The following IMMP2L variants were observed in gnomAD, a reference collection of about 807,000 sequenced individuals.
IMMP2L encodes the protein mitochondrial inner membrane protease subunit 2.
IMMP2L carries 18 observed loss-of-function variants against 19.3 expected under a neutral mutation model. That is an observed-to-expected ratio of 0.93 (90% CI 0.64 to 1.38). IMMP2L has a LOEUF of 1.38. IMMP2L is among the 40% of genes most tolerant of loss of function. The pLI is 0.00. For synonymous variants in IMMP2L, 76 were observed against 73.0 expected (o/e 1.04, Z -0.21); for missense variants, 233 against 218.2 (o/e 1.07, Z -0.43).
At chr7:110,967,074 G>T (rs1243946305) in intron 3 of IMMP2L, among the ~76,000 whole-genome samples, 1 of 152,054 alleles carries the variant, frequency 6.6e-6, no homozygotes, top group Non-Finnish European at 1.5e-5. Flanking sequence ...TTATGCTTAT[G>T]ATTTAATTTG....
chr7:111,530,708 A>T (rs1164707445), intron 1 of IMMP2L, among the ~76,000 whole-genome samples: 2 of 152,126 alleles, frequency 1.3e-5, no homozygotes, highest in African/African-American at 2.4e-5. Flanking sequence ...AGAAAAAAAA[A>T]GGAATTAGAA....
chr7:111,250,288 A>C (rs763582251), intron 3 of IMMP2L, among the ~76,000 whole-genome samples: 16 of 152,190 alleles, frequency 1.1e-4, no homozygotes, highest in Non-Finnish European at 2.2e-4. Context: ...TTCCATGCTC[A>C]TGGATAGGAA....
chr7:110,844,680 G>T (rs560983266), intron 5 of IMMP2L, among the ~76,000 whole-genome samples: 1 of 44,058 alleles, frequency 2.3e-5, no homozygotes, highest in East Asian at 3.5e-3. Flanking sequence ...GCACTTAGTG[G>T]CAGGGAAGAC....
intron 2 of IMMP2L, among the ~76,000 whole-genome samples, chr7:111,506,932 T>C (rs534721842): frequency 1.3e-5 from 2 of 151,992 alleles, no homozygotes; most frequent in East Asian, 3.9e-4. Context: ...ACCTCTGCCT[T>C]CTGAGCTCTG....
chr7:111,005,724 T>C (rs1317532394), intron 3 of IMMP2L, among the ~76,000 whole-genome samples: 2 of 152,332 alleles, frequency 1.3e-5, no homozygotes, highest in Admixed American at 1.3e-4. Context: ...ATTCCTTTTA[T>C]GAGGTTTTGA....
At chr7:110,789,715 C>T (rs1164458882) in intron 5 of IMMP2L, among the ~76,000 whole-genome samples, 2 of 151,652 alleles carry the variant, frequency 1.3e-5, no homozygotes, top group Non-Finnish European at 2.9e-5. Flanking sequence ...ACCTCACTGA[C>T]CTTATTTCCT....
chr7:111,503,875 A>G (rs377295064), intron 2 of IMMP2L, among the ~76,000 whole-genome samples: 8 of 151,868 alleles, frequency 5.3e-5, no homozygotes, highest in African/African-American at 1.9e-4. Context: ...TACTGAATGG[A>G]CAAAAACTGG....
At chr7:111,527,862 T>C (rs1378594334) in intron 1 of IMMP2L, among the ~76,000 whole-genome samples, 2 of 151,544 alleles carry the variant, frequency 1.3e-5, no homozygotes, top group East Asian at 1.9e-4. Flanking sequence ...CAATCTGATA[T>C]GTGCTGATCC....
At chr7:111,256,238 TAC>T (rs1398948058) in intron 3 of IMMP2L, among the ~76,000 whole-genome samples, 1 of 152,064 alleles carries the variant, frequency 6.6e-6, no homozygotes, top group Admixed American at 6.6e-5. Flanking sequence ...TTACCAAAGT[TAC>T]ACAGTTACAA....
chr7:110,675,803 C>A (rs1282388186), intron 5 of IMMP2L, among the ~76,000 whole-genome samples: 1 of 152,014 alleles, frequency 6.6e-6, no homozygotes, highest in Non-Finnish European at 1.5e-5. Flanking sequence ...ATCTATTACC[C>A]AAATTAGGAC....
At chr7:111,000,428 T>C (rs1200456154) in intron 3 of IMMP2L, among the ~76,000 whole-genome samples, 4 of 152,212 alleles carry the variant, frequency 2.6e-5, no homozygotes, top group Non-Finnish European at 5.9e-5. Context: ...CAGAAGATAA[T>C]GTGATGTAAT....
rs1792238970 is a variant in IMMP2L at position 111,044,842 on chromosome 7, TA to T, written c.240-81278del. ...ACAATCTTTTTAAAGTTTACATATA[TA>T]GACAGTGGGTAGTTGACAACTCTGG... On this transcript the variant is annotated intron_variant, in intron 3 of 5. Transcript: ENST00000405709. Among the ~76,000 whole-genome samples, 5 of 152,312 alleles carry T rather than the reference TA, an allele frequency of 3.3e-5. No homozygotes were observed. The East Asian group carries it at 7.7e-4, about 24-fold the overall frequency.
intron 3 of IMMP2L, among the ~76,000 whole-genome samples, chr7:111,016,462 ATATT>A (rs937727592): frequency 1.5e-5 from 2 of 133,420 alleles, no homozygotes; most frequent in Non-Finnish European, 3.1e-5. Context: ...ATAAATATAT[ATATT>A]TATGTAGTTT....
Position 111,353,551 on chromosome 7 carries a change from T to A in IMMP2L, c.239+133687A>T, listed in dbSNP as rs184598536. On this transcript the variant is annotated intron_variant, in intron 3 of 5. Transcript: ENST00000405709. ...TACACTATCTTGTGTGTCAAGATTA[T>A]TAAGCCAACTAGAAGTTTCAGGAGC... Among the ~76,000 whole-genome samples, 78 of 152,286 alleles carry A rather than the reference T, an allele frequency of 5.1e-4. 1 individual carries two copies. In the East Asian group the frequency reaches 0.012, roughly 24 times the overall value.
intron 3 of IMMP2L, among the ~76,000 whole-genome samples, chr7:111,464,012 C>T (rs1459713130): frequency 6.6e-6 from 1 of 152,140 alleles, no homozygotes; most frequent in Middle Eastern, 3.2e-3. Context: ...TGCTCCTTTC[C>T]TCCTTCACAC....
At chr7:111,343,235 CCT>C (rs1166635523) in intron 3 of IMMP2L, among the ~76,000 whole-genome samples, 29 of 152,108 alleles carry the variant, frequency 1.9e-4, no homozygotes, top group African/African-American at 5.8e-4. Flanking sequence ...TAAATGGCCC[CCT>C]GTCTACCACA....
intron 5 of IMMP2L, among the ~76,000 whole-genome samples, chr7:110,828,144 G>T (rs1198402030): frequency 6.6e-6 from 1 of 152,044 alleles, no homozygotes; most frequent in Non-Finnish European, 1.5e-5. Context: ...GGCTTTGTAG[G>T]CCAGATGGTC....
At chr7:111,525,756 T>C (rs1345600444) in intron 1 of IMMP2L, among the ~76,000 whole-genome samples, 1 of 152,074 alleles carries the variant, frequency 6.6e-6, no homozygotes, top group Non-Finnish European at 1.5e-5. Context: ...GTCAAAATAT[T>C]TAATACTAAA....
intron 3 of IMMP2L, among the ~76,000 whole-genome samples, chr7:111,347,551 A>G (rs1827696448): frequency 6.6e-6 from 1 of 151,974 alleles, no homozygotes; most frequent in Non-Finnish European, 1.5e-5. Context: ...GAAACAGGCT[A>G]AGAGCACAAG....
Sources: allele counts gnomAD v4.1 joint callset (sites outside exome capture counted in the v4.1 genomes callset), GRCh38; gene constraint gnomAD v4.1.1; transcripts MANE v1.5; gene names NCBI Gene and HGNC (gene_info 2026-07-23, HGNC 2026-07-21).